The following KIF13B variants were observed in gnomAD, a reference collection of about 807,000 sequenced individuals.
KIF13B encodes kinesin family member 13B, also known as kinesin-like protein KIF13B.
A neutral mutation model predicts 222.0 loss-of-function variants in KIF13B; 127 were observed. That is an observed-to-expected ratio of 0.57 (90% CI 0.50 to 0.66). The LOEUF (loss-of-function observed/expected upper bound fraction) is 0.66. KIF13B is among the 30% of genes least tolerant of loss of function. KIF13B has a pLI of 0.00. For missense variants in KIF13B, 2,173 were observed against 2,379.0 expected, an observed-to-expected ratio of 0.91 and a Z score of 1.80; for synonymous variants, 976 against 919.0, an observed-to-expected ratio of 1.06 and a Z score of -1.12.
At chr8:29,175,979 T>C (rs1325512895) in intron 10 of KIF13B, 89 bp downstream of exon 10, 15 of 734,608 alleles carry the variant, frequency 2.0e-5, no homozygotes, top group Non-Finnish European at 3.6e-5. Flanking sequence ...GAGGAAATGA[T>C]ACCTGGAAGG....
At chr8:29,195,414 T>C (rs1195690339) in intron 3 of KIF13B, among the ~76,000 whole-genome samples, 1 of 152,002 alleles carries the variant, frequency 6.6e-6, no homozygotes, top group Non-Finnish European at 1.5e-5. Context: ...TCCCTGTGGT[T>C]AGGGAAAAAA....
At chr8:29,149,906 A>G (rs969610950) in intron 15 of KIF13B, among the ~76,000 whole-genome samples, 6 of 152,228 alleles carry the variant, frequency 3.9e-5, no homozygotes, top group African/African-American at 1.4e-4. Context: ...AGAATTCCTA[A>G]AAGAACCTTA....
chr8:29,173,958 A>AC (rs71222597), intron 10 of KIF13B, among the ~76,000 whole-genome samples: 41 of 149,918 alleles, frequency 2.7e-4, no homozygotes, highest in Non-Finnish European at 3.0e-4. Context: ...AAAAAAAAAA[A>AC]CTCATTTGGT....
intron 2 of KIF13B, among the ~76,000 whole-genome samples, chr8:29,197,361 A>AC (rs1813487052): frequency 7.4e-6 from 1 of 135,310 alleles, no homozygotes; most frequent in Non-Finnish European, 1.6e-5. Flanking sequence ...AAAAAAAAAA[A>AC]CTCAATATAT....
intron 29 of KIF13B, 86 bp downstream of exon 29, chr8:29,122,505 C>T: frequency 1.8e-6 from 2 of 1,082,558 alleles, no homozygotes; most frequent in Non-Finnish European, 2.8e-6. Context: ...ACAGAATTGC[C>T]TCACGATGCA....
At chr8:29,213,261 G>C (rs1421895049) in intron 2 of KIF13B, among the ~76,000 whole-genome samples, 1 of 152,190 alleles carries the variant, frequency 6.6e-6, no homozygotes, top group Non-Finnish European at 1.5e-5. Context: ...TTCAAATCTA[G>C]ATTCAATAAA....
At chr8:29,082,817 A>T (rs1807872720) in intron 37 of KIF13B, among the ~76,000 whole-genome samples, 1 of 152,314 alleles carries the variant, frequency 6.6e-6, no homozygotes, top group South Asian at 2.1e-4. Flanking sequence ...ATGTTTGCTA[A>T]TCTGAAAACT....
intron 2 of KIF13B, among the ~76,000 whole-genome samples, chr8:29,239,567 G>A (rs774423306): frequency 1.3e-5 from 2 of 152,186 alleles, no homozygotes; most frequent in Non-Finnish European, 2.9e-5. Flanking sequence ...AAGAGCTGAA[G>A]AACTCCCAGT....
intron 2 of KIF13B, among the ~76,000 whole-genome samples, chr8:29,223,104 G>A (rs1168463077): frequency 6.7e-6 from 1 of 149,488 alleles, no homozygotes; most frequent in Non-Finnish European, 1.5e-5. Flanking sequence ...GATCGCTTGA[G>A]CTCAGGAGTT....
intron 36 of KIF13B, among the ~76,000 whole-genome samples, chr8:29,093,377 T>C (rs751550148): frequency 6.6e-6 from 1 of 152,192 alleles, no homozygotes; most frequent in Non-Finnish European, 1.5e-5. Context: ...TTGAGTTGTT[T>C]GTTAAAAGTC....
intron 12 of KIF13B, among the ~76,000 whole-genome samples, chr8:29,161,094 A>C (rs117575183): frequency 3.3e-5 from 5 of 152,152 alleles, no homozygotes; most frequent in Non-Finnish European, 7.3e-5. Context: ...TATAGTAACT[A>C]ATTGTACTAG....
intron 4 of KIF13B, chr8:29,189,335 A>C (rs1388295860): frequency 6.7e-6 from 1 of 150,314 alleles, no homozygotes; most frequent in Non-Finnish European, 1.5e-5. Flanking sequence ...ATATTGGGCC[A>C]CCTAGACCAA....
chr8:29,263,111 A>G (rs1486279500), upstream of KIF13B: 2 of 611,816 alleles, frequency 3.3e-6, no homozygotes, highest in Non-Finnish European at 2.4e-6. Context: ...ACCCGGCGGG[A>G]GGGGGCCGGG....
chr8:29,165,577 A>G lies in KIF13B; in HGVS notation c.1269+85T>C, dbSNP rs1811955762. Reference sequence around the variant, plus strand: ...AGATTTGCCATCAGCCAAGCTGAAGATCAAAAAGGAACCAGAAACACCATG... The same window carrying G: ...AGATTTGCCATCAGCCAAGCTGAAGGTCAAAAAGGAACCAGAAACACCATG... On this transcript the variant is annotated intron_variant, in intron 12 of 39. Coordinates refer to ENST00000524189, the MANE Select transcript of KIF13B (RefSeq NM_015254.4). 7.5e-6 allele frequency: 6 copies of G among 803,616 alleles called. No individual in the cohort carries two copies. The Admixed American group carries it at 1.1e-4, about 15-fold the overall frequency. 49.8% of individuals were successfully genotyped at this position (803,616 alleles called of 1,614,324 possible).
intron 36 of KIF13B, among the ~76,000 whole-genome samples, chr8:29,094,802 C>T (rs758058502): frequency 6.6e-6 from 1 of 151,652 alleles, no homozygotes; most frequent in Non-Finnish European, 1.5e-5. Context: ...GACAAGTGCA[C>T]AGACCAGGAA....
At chr8:29,129,133 A>G (rs1810238919) in intron 24 of KIF13B, among the ~76,000 whole-genome samples, 1 of 152,230 alleles carries the variant, frequency 6.6e-6, no homozygotes, top group South Asian at 2.1e-4. Context: ...ATATGAAGGT[A>G]AAGAGGCATA....
intron 2 of KIF13B, among the ~76,000 whole-genome samples, chr8:29,209,580 C>T (rs1316642107): frequency 1.3e-5 from 2 of 152,164 alleles, no homozygotes; most frequent in African/African-American, 4.8e-5. Context: ...ATTCCTGACT[C>T]CCCTCTCCAG....
intron 1 of KIF13B, among the ~76,000 whole-genome samples, chr8:29,253,852 A>C (rs929895488): frequency 9.3e-4 from 140 of 150,358 alleles, no homozygotes; most frequent in Admixed American, 2.9e-3. Flanking sequence ...AAAAAAAAAA[A>C]AAACCCGCTT....
intron 12 of KIF13B, among the ~76,000 whole-genome samples, chr8:29,164,344 A>G (rs1490406892): frequency 2.0e-5 from 3 of 152,232 alleles, no homozygotes; most frequent in African/African-American, 7.2e-5. Context: ...GGAACAGTTA[A>G]AAACAACAGG....
Sources: gnomAD v4.1 joint callset for allele counts (sites outside exome capture counted in the v4.1 genomes callset) on GRCh38, gnomAD v4.1.1 for gene constraint, MANE v1.5 for transcripts, NCBI Gene and HGNC (gene_info 2026-07-23, HGNC 2026-07-21) for gene names.